The following AFF4 variants were observed in gnomAD, a reference collection of about 807,000 sequenced individuals.
AFF4 encodes the protein ALF transcription elongation factor 4.
Under a neutral mutation model 124.8 loss-of-function variants are expected in AFF4, and 13 were observed. That is an observed-to-expected ratio of 0.10 (90% CI 0.07 to 0.17). The LOEUF is 0.17. Among genes scored for constraint, AFF4 ranks in the 10% least tolerant of loss-of-function variants. The pLI is 1.00. For synonymous variants in AFF4, 477 were observed against 496.1 expected (o/e 0.96, Z 0.51); for missense variants, 1,092 against 1,403.8 (o/e 0.78, Z 3.55).
At chr5:132,955,777 CA>C (rs1214913729) in intron 1 of AFF4, among the ~76,000 whole-genome samples, 1,226 of 71,244 alleles carry the variant, frequency 0.017, 7 homozygotes, top group South Asian at 0.025. Context: ...GATTCCATCT[CA>C]AAAAAAAAAA....
At position 132,878,742 on chromosome 5, in the gene AFF4, C is replaced by T. The variant is rs1265508717; in HGVS notation, c.*2317G>A. 8.9e-6 allele frequency: 2 copies of T among 225,202 alleles called. No individual in the cohort carries two copies. The highest frequency in any genetic ancestry group is 4.5e-5 in the African/African-American group (2 of 44,880). 14.0% of individuals were successfully genotyped at this position (225,202 alleles called of 1,614,324 possible). ...TTAAAGAGAAAATATTAGAGCAGCA[C>T]CATAAACCATGCAGGAAACTCTGCT... On this transcript the variant is annotated 3_prime_UTR_variant, in exon 21 of 21. Transcript: ENST00000265343.
In AFF4 at chr5:132,936,266, CAAAAAAAAAA is replaced by C. The variant is rs747936348; in HGVS notation, c.123+791_123+800del. ...TGGGCGACAGAGCAAGACTCCGTCT[CAAAAAAAAAA>C]AAAAAAAAAAAAAAAAATTAACTTC... is the stretch of plus-strand genomic sequence containing the variant. On this transcript the variant is annotated intron_variant, in intron 2 of 20. Coordinates refer to ENST00000265343, the MANE Select transcript of AFF4 (RefSeq NM_014423.4). Among the ~76,000 whole-genome samples the C allele has an allele frequency of 2.2e-4, 10 of 45,460 alleles. No individual in the cohort carries two copies. The South Asian group carries it at 3.0e-3, about 14-fold the overall frequency. The allele number at this position is 45,460 out of a possible 152,430, so 29.8% of individuals were successfully genotyped here.
chr5:132,951,024 A>G lies in AFF4; in HGVS notation c.-5+12235T>C, dbSNP rs545203875. Among the ~76,000 whole-genome samples, 714 of 152,320 alleles carry G rather than the reference A, an allele frequency of 4.7e-3. 4 individuals are homozygous for G. The highest frequency in any genetic ancestry group is 0.02 in the Middle Eastern group (6 of 294). Reference sequence around the variant, plus strand: ...CAGATCACTTGAAGCCAGGAGTTCAAGACCAGCCTGGCCAACATGGCAAAA... The same window carrying G: ...CAGATCACTTGAAGCCAGGAGTTCAGGACCAGCCTGGCCAACATGGCAAAA... On this transcript the variant is annotated intron_variant, in intron 1 of 20. Coordinates refer to ENST00000265343, the MANE Select transcript of AFF4 (RefSeq NM_014423.4).
intron 19 of AFF4, among the ~76,000 whole-genome samples, chr5:132,884,536 G>C (rs529590865): frequency 6.6e-4 from 101 of 152,240 alleles, no homozygotes; most frequent in Middle Eastern, 6.8e-3. Flanking sequence ...TACCATGCCC[G>C]GCTTGTTTGT....
chr5:132,934,967 A>G (rs1484269281), intron 2 of AFF4, 26 bp from the exon 3 acceptor site: 12 of 1,461,586 alleles, frequency 8.2e-6, no homozygotes, highest in Non-Finnish European at 1.1e-5. Context: ...ATAAAATAAA[A>G]TTATAAAATG....
chr5:132,891,479 C>T (rs1228080188), intron 13 of AFF4, among the ~76,000 whole-genome samples: 1 of 152,134 alleles, frequency 6.6e-6, no homozygotes, highest in Non-Finnish European at 1.5e-5. Context: ...TATTAAAGTA[C>T]AGCCTTGAAA....
intron 1 of AFF4, among the ~76,000 whole-genome samples, chr5:132,937,475 C>T (rs1761459601): frequency 6.6e-6 from 1 of 152,198 alleles, no homozygotes; most frequent in African/African-American, 2.4e-5. Flanking sequence ...TAGCTAAAAG[C>T]AAAAACTTGT....
chr5:132,900,827 C>T (rs1352171929), intron 7 of AFF4: 1 of 964,606 alleles, frequency 1.0e-6, no homozygotes, highest in Non-Finnish European at 1.2e-6. Flanking sequence ...GGGAGAACTA[C>T]AACTAGGAAA....
chr5:132,901,649 G>GA (rs1760554689), intron 7 of AFF4, among the ~76,000 whole-genome samples: 1 of 152,110 alleles, frequency 6.6e-6, no homozygotes, highest in Non-Finnish European at 1.5e-5. Context: ...ATAAAAATAA[G>GA]AAAACTTAAA....
rs1024644074 is a variant in AFF4 at position 132,880,270 on chromosome 5, GCTT to G, written c.*786_*788del. ...TTTATGAAACCCTTCAACATGAAAT[GCTT>G]CTTCTAGAAAGTTTGTCCTCCCTCT... On this transcript the variant is annotated 3_prime_UTR_variant, in exon 21 of 21. Transcript: ENST00000265343. The G allele has an allele frequency of 1.3e-5, 5 of 398,796 alleles. No homozygotes were observed. Among genetic ancestry groups the G allele is most frequent in the Non-Finnish European group, 8.8e-6 (2 of 226,008 alleles). 24.7% of individuals were successfully genotyped at this position (398,796 alleles called of 1,614,324 possible).
intron 19 of AFF4, 137 bp downstream of exon 19, chr5:132,884,939 A>G (rs1760076307): frequency 1.7e-6 from 1 of 571,790 alleles, no homozygotes; most frequent in Non-Finnish European, 3.1e-6. Flanking sequence ...AGAAAAAATT[A>G]TAACTTCTAA....
At chr5:132,949,707 C>T (rs933989437) in intron 1 of AFF4, among the ~76,000 whole-genome samples, 5 of 150,048 alleles carry the variant, frequency 3.3e-5, no homozygotes, top group African/African-American at 5.0e-5. Flanking sequence ...CACACGCGCG[C>T]GCGCGCGCGC....
intron 1 of AFF4, among the ~76,000 whole-genome samples, chr5:132,942,449 G>A (rs1396312387): frequency 6.7e-6 from 1 of 148,586 alleles, no homozygotes; most frequent in Non-Finnish European, 1.5e-5. Flanking sequence ...CCTGAACTCA[G>A]TCCTTTTGAC....
chr5:132,907,576 G>GT (rs1760699185), intron 5 of AFF4, among the ~76,000 whole-genome samples: 1 of 152,118 alleles, frequency 6.6e-6, no homozygotes, highest in Non-Finnish European at 1.5e-5. Flanking sequence ...TATTGAGTTT[G>GT]TAATTGTGCA....
intron 1 of AFF4, chr5:132,945,534 C>G (rs1761677030): frequency 6.6e-6 from 1 of 152,160 alleles, no homozygotes; most frequent in East Asian, 1.9e-4. Flanking sequence ...GGAGGATCAC[C>G]TGAGATCAGG....
chr5:132,883,615 T>C, intron 19 of AFF4, 55 bp from the exon 20 acceptor site: 2 of 1,485,488 alleles, frequency 1.3e-6, no homozygotes, highest in Admixed American at 1.8e-5. Context: ...CATTATAAAA[T>C]CAAGTACTAC....
At chr5:132,952,868 A>G (rs1190086619) in intron 1 of AFF4, among the ~76,000 whole-genome samples, 1 of 151,458 alleles carries the variant, frequency 6.6e-6, no homozygotes, top group Non-Finnish European at 1.5e-5. Context: ...ACTGCACTCT[A>G]GTTTAAGTGA....
intron 14 of AFF4, 53 bp from the exon 15 acceptor site, chr5:132,888,213 A>C: frequency 7.5e-7 from 1 of 1,339,254 alleles, no homozygotes; most frequent in Non-Finnish European, 1.0e-6. Flanking sequence ...TCATAATACT[A>C]GTTCATTTCA....
intron 1 of AFF4, among the ~76,000 whole-genome samples, chr5:132,939,669 G>A (rs1761520813): frequency 6.6e-6 from 1 of 152,230 alleles, no homozygotes; most frequent in Non-Finnish European, 1.5e-5. Flanking sequence ...GAAGTGCGAT[G>A]GCACGATCTC....
Sources: allele counts gnomAD v4.1 joint callset (sites outside exome capture counted in the v4.1 genomes callset), GRCh38; gene constraint gnomAD v4.1.1; transcripts MANE v1.5; gene names NCBI Gene and HGNC (gene_info 2026-07-23, HGNC 2026-07-21).